The following GON4L variants were observed in gnomAD, a reference collection of about 807,000 sequenced individuals.
The protein encoded by GON4L is gon-4 like.
GON4L carries 87 observed loss-of-function variants against 211.8 expected under a neutral mutation model. The ratio of observed to expected loss-of-function variants is 0.41; its 90% CI spans 0.35 to 0.49. The LOEUF is 0.49. Ranked by LOEUF, GON4L falls within the 20% of genes least tolerant of loss-of-function variation. The probability of loss-of-function intolerance (pLI) is 0.15; values close to 1 mark genes in which losing one functional copy is unlikely to be tolerated. For synonymous variants in GON4L, 875 were observed against 962.6 expected, an observed-to-expected ratio of 0.91 and a Z score of 1.68; for missense variants, 2,155 against 2,659.5, an observed-to-expected ratio of 0.81 and a Z score of 4.17.
chr1:155,754,095 C>T (rs748705639), intron 28 of GON4L: 21 of 448,346 alleles, frequency 4.7e-5, no homozygotes, highest in Non-Finnish European at 8.2e-5. Flanking sequence ...ACTATTTTCA[C>T]GACAGAGGTT....
Position 155,784,016 on chromosome 1 carries a change from C to T in GON4L, c.1862G>A (p.Arg621His), listed in dbSNP as rs752519380. 1.9e-5 allele frequency: 30 copies of T among 1,613,832 alleles called. 1 individual carries two copies. Among genetic ancestry groups the T allele is most frequent in the Admixed American group, 5.0e-5 (3 of 59,976 alleles). Residue 621 changes from arginine (R) to histidine (H), a missense_variant, in exon 14 of 32, where the codon CGT becomes CAT. Around this residue, in one of 6 missense-constraint regions of GON4L, gnomAD observed 551 missense variants for 854.0 expected, o/e 0.65. Coordinates refer to ENST00000368331, the MANE Select transcript of GON4L (RefSeq NM_001282860.2). ...PEEEECVAEP[R>H]PNFNTPQALR... ...AGCTTGAGGGGTGTTAAAGTTAGGA[C>T]GAGGCTCAGCTACACACTCCTCCTC...
Position 155,820,331 on chromosome 1 carries a change from A to C in GON4L, c.1014+275T>G, listed in dbSNP as rs150590515. Among the ~76,000 whole-genome samples, 234 of 152,312 alleles carry C rather than the reference A, an allele frequency of 1.5e-3. 1 individual carries two copies. The highest frequency in any genetic ancestry group is 5.5e-3 in the African/African-American group (229 of 41,586). On this transcript the variant is annotated intron_variant, in intron 6 of 31. Coordinates refer to ENST00000368331, the MANE Select transcript of GON4L (RefSeq NM_001282860.2). ...TAAACACTTTGCAACATGTGTTGTA[A>C]CATAAATAGAAAAACTGGTCTCACC...
intron 8 of GON4L, among the ~76,000 whole-genome samples, chr1:155,814,879 G>A (rs1309420797): frequency 1.3e-5 from 2 of 152,044 alleles, no homozygotes; most frequent in African/African-American, 2.4e-5. Flanking sequence ...TTGGAAGGCC[G>A]AGGCGGGTGG....
chr1:155,780,317 C>T (rs1040949134), intron 14 of GON4L, among the ~76,000 whole-genome samples: 4 of 151,462 alleles, frequency 2.6e-5, no homozygotes, highest in African/African-American at 7.3e-5. Flanking sequence ...AACAGTCGGG[C>T]GTGGTGGCTC....
rs776395330 is a variant in GON4L at position 155,765,656 on chromosome 1, G to T, written c.3817C>A (p.Leu1273Ile). 8 of 1,614,102 alleles carry T rather than the reference G, an allele frequency of 5.0e-6. No homozygotes were observed. The highest frequency in any genetic ancestry group is 5.9e-6 in the Non-Finnish European group (7 of 1,180,054). ...CCTTCTTGGCACTCTGCATCTGCTAGTGGAGGCCCTGGGCTATGTTCCACT... is the reference window on the plus strand; with the variant it reads ...CCTTCTTGGCACTCTGCATCTGCTATTGGAGGCCCTGGGCTATGTTCCACT... Reference protein sequence around the residue: ...PKVEHSPGPPLADAECQEGLS... With the variant: ...PKVEHSPGPPIADAECQEGLS... The change falls in exon 21 of 32, where the codon CTA (leucine) becomes ATA (isoleucine). Residue 1273 changes from leucine (L) to isoleucine (I), a missense_variant. This residue lies in a region of GON4L where 615 missense variants were observed against 625.7 expected (regional missense o/e 0.98). Transcript: ENST00000368331.
chr1:155,758,004 G>T lies in GON4L; in HGVS notation c.5140C>A (p.Arg1714Ser), dbSNP rs1316391512. 4.4e-6 allele frequency: 2 copies of T among 451,920 alleles called. No individual in the cohort carries two copies. Among genetic ancestry groups the T allele is most frequent in the East Asian group, 3.7e-5 (1 of 27,320 alleles). The allele number at this position is 451,920 out of a possible 1,614,324, so 28.0% of individuals were successfully genotyped here. A position where few individuals can be genotyped will look rare whatever the true frequency, so the allele number is the denominator to read the frequency against. ...FEEQQAFEKS[R>S]KFLRQLEICF... The stretch of plus-strand genomic sequence containing the variant: ...ATCTCCAGCTGCCGAAGGAACTTGC[G>T]GCTCTTCTCAAAAGCCTGCTGCTCC... Residue 1714 changes from arginine to serine, a missense_variant, in exon 25 of 32, where the codon CGC becomes AGC. Physicochemically the swap from Arg to Ser is moderately radical, Grantham distance 110. Around this residue, in one of 6 missense-constraint regions of GON4L, gnomAD observed 455 missense variants for 504.6 expected, o/e 0.90. Transcript: ENST00000368331.
intron 2 of GON4L, among the ~76,000 whole-genome samples, chr1:155,834,418 G>C (rs1270167186): frequency 1.3e-5 from 2 of 152,044 alleles, no homozygotes; most frequent in Non-Finnish European, 2.9e-5. Context: ...TTTCCATGGA[G>C]AAGAACCATG....
In GON4L at chr1:155,752,397, T is replaced by C; in HGVS notation, c.6036A>G (p.Arg2012=). The change falls in exon 30 of 32, where the codon AGA becomes AGG. Residue 2012 remains arginine, a synonymous_variant. Coordinates refer to ENST00000368331, the MANE Select transcript of GON4L (RefSeq NM_001282860.2). ...TTTGGCCCTCCCTCTCTTTCTGAAG[T>C]CTGGGGGATGCCTTGGGGCAGGAGC... ...EVRSCPKASP[R]LQKEREGQKA... The C allele has an allele frequency of 6.3e-7, 1 of 1,585,886 alleles. No homozygotes were observed. Among genetic ancestry groups the C allele is most frequent in the Non-Finnish European group, 8.6e-7 (1 of 1,164,762 alleles).
intron 2 of GON4L, among the ~76,000 whole-genome samples, chr1:155,830,000 G>C (rs1333289103): frequency 6.6e-6 from 1 of 151,816 alleles, no homozygotes; most frequent in Non-Finnish European, 1.5e-5. Context: ...GGCCAGGCTG[G>C]AGTACGGTGG....
At chr1:155,809,999 T>C (rs547936898) in intron 10 of GON4L, among the ~76,000 whole-genome samples, 1,872 of 123,962 alleles carry the variant, frequency 0.015, 421 homozygotes, top group African/African-American at 0.053. Context: ...TAATTATATA[T>C]ATATATATAT....
At chr1:155,786,625 T>C (rs777847070) in intron 12 of GON4L, among the ~76,000 whole-genome samples, 12 of 152,180 alleles carry the variant, frequency 7.9e-5, no homozygotes, top group Non-Finnish European at 1.5e-4. Flanking sequence ...ATCGGTGACT[T>C]AGAAGACCCA....
At chr1:155,830,601 T>C (rs1571886573) in intron 2 of GON4L, among the ~76,000 whole-genome samples, 1 of 151,990 alleles carries the variant, frequency 6.6e-6, no homozygotes, top group East Asian at 1.9e-4. Flanking sequence ...TTTTTGTTGT[T>C]GCTGAGACAG....
upstream of GON4L, among the ~76,000 whole-genome samples, chr1:155,859,086 T>C (rs1446433061): frequency 2.0e-5 from 3 of 151,990 alleles, no homozygotes; most frequent in African/African-American, 4.8e-5. Flanking sequence ...ACAGTTTCCA[T>C]CCACTGTGAA....
At chr1:155,781,064 G>GAAGACCAGAAGCATAAAAAAGTAGGT (rs1664368733) in intron 14 of GON4L, among the ~76,000 whole-genome samples, 1 of 152,090 alleles carries the variant, frequency 6.6e-6, no homozygotes, top group Admixed American at 6.6e-5. Flanking sequence ...TGAAGGAACA[G>GAAGACCAGAAGCATAAAAAAGTAGGT]AAGACCAGAA....
chr1:155,833,367 A>G (rs971954668), intron 2 of GON4L, among the ~76,000 whole-genome samples: 2 of 152,024 alleles, frequency 1.3e-5, no homozygotes, highest in African/African-American at 4.8e-5. Context: ...AAAGGAAGGA[A>G]GGCCAGGCAT....
At chr1:155,761,132 C>A (rs1661745638) in intron 23 of GON4L, among the ~76,000 whole-genome samples, 1 of 150,256 alleles carries the variant, frequency 6.7e-6, no homozygotes, top group African/African-American at 2.5e-5. Flanking sequence ...GAGAAGGACA[C>A]AGTTCTCCAG....
intron 9 of GON4L, 152 bp downstream of exon 9, chr1:155,814,178 G>A (rs1347950990): frequency 4.8e-6 from 4 of 837,970 alleles, no homozygotes; most frequent in Non-Finnish European, 3.9e-6. Flanking sequence ...CTATCACTGA[G>A]TTCTAGCCTT....
At chr1:155,822,206 C>A in intron 4 of GON4L, 80 bp downstream of exon 4, 2 of 1,192,706 alleles carry the variant, frequency 1.7e-6, no homozygotes, top group South Asian at 2.4e-5. Context: ...TATCAAGAGT[C>A]AAGAATTTGC....
At chr1:155,770,984 C>A in intron 19 of GON4L, 83 bp downstream of exon 19, 1 of 1,579,614 alleles carries the variant, frequency 6.3e-7, no homozygotes, top group Non-Finnish European at 8.7e-7. Context: ...AAAGAAGGTT[C>A]CTCTTTTCTT....
Sources: allele counts gnomAD v4.1 joint callset (sites outside exome capture counted in the v4.1 genomes callset), GRCh38; gene constraint gnomAD v4.1.1; regional missense constraint gnomAD v4.1.1; transcripts MANE v1.5; gene names NCBI Gene and HGNC (gene_info 2026-07-23, HGNC 2026-07-21).